The following KIAA1586 variants were observed in gnomAD, a reference collection of about 807,000 sequenced individuals.
The protein encoded by KIAA1586 is E3 SUMO-protein ligase KIAA1586.
KIAA1586 carries 5 observed loss-of-function variants against 6.1 expected under a neutral mutation model. The observed-to-expected ratio is 0.82, with a 90% CI of 0.43 to 1.73. KIAA1586 has a LOEUF of 1.73. KIAA1586 is among the 40% of genes most tolerant of loss of function. The probability of loss-of-function intolerance (pLI) is 0.02; values close to 1 mark genes in which losing one functional copy is unlikely to be tolerated. For missense variants in KIAA1586, 899 were observed against 878.2 expected (o/e 1.02, Z -0.30); for synonymous variants, 280 against 301.7 (o/e 0.93, Z 0.75).
chr6:57,052,439 TG>T (rs764997661), intron 3 of KIAA1586, among the ~76,000 whole-genome samples: 3 of 152,164 alleles, frequency 2.0e-5, no homozygotes, highest in Non-Finnish European at 2.9e-5. Flanking sequence ...CCAACCATTT[TG>T]CTAATTGGAT....
Position 57,054,292 on chromosome 6 carries a change from T to G in KIAA1586, c.1793T>G (p.Phe598Cys), listed in dbSNP as rs1207159689. Residue 598 changes from phenylalanine (F) to cysteine (C), a missense_variant, in exon 4 of 4, where the codon TTT becomes TGT. Physicochemically the swap from Phe to Cys is radical, Grantham distance 205. Coordinates refer to ENST00000370733, the MANE Select transcript of KIAA1586 (RefSeq NM_020931.4). Reference sequence around the variant, plus strand: ...ATTCCATTTAATAAAAACAATAAATTTAATGCTCTTCCTAGGAGTATATTA... The same window carrying G: ...ATTCCATTTAATAAAAACAATAAATGTAATGCTCTTCCTAGGAGTATATTA... ...KDIPFNKNNK[F>C]NALPRSILLD... is the part of the protein sequence containing the mutation. The G allele has an allele frequency of 1.3e-6, 2 of 1,580,262 alleles. No homozygotes were observed. The highest frequency in any genetic ancestry group is 2.0e-5 in the Admixed American group (1 of 51,246).
At chr6:57,064,042 C>T in the KIAA1586 span, among the ~76,000 whole-genome samples, 2 of 152,182 alleles carry the variant, frequency 1.3e-5, no homozygotes, top group Non-Finnish European at 2.9e-5. Flanking sequence ...CACTGCTGGG[C>T]TCCCCTAAGG....
In KIAA1586 at chr6:57,054,796, C is replaced by T. The variant is rs778225953; in HGVS notation, c.2297C>T (p.Thr766Ile). 1.9e-6 allele frequency: 3 copies of T among 1,551,254 alleles called. No individual in the cohort carries two copies. Among genetic ancestry groups the T allele is most frequent in the East Asian group, 4.9e-5 (2 of 40,876 alleles). The change falls in exon 4 of 4, where the codon ACA becomes ATA. Residue 766 changes from threonine to isoleucine, a missense_variant. Physicochemically the swap from Thr to Ile is moderately conservative, Grantham distance 89. Transcript: ENST00000370733. ...TGCAACCACAGGTTGGCTACAGATA[C>T]AAGAGTTCGGCAAAAGTCAACAAAA... ...SNCNHRLATD[T>I]RVRQKSTKVF...
chr6:57,054,828 C>T lies in KIAA1586; in HGVS notation c.2329C>T (p.His777Tyr), dbSNP rs1241913289. 4 of 1,550,526 alleles carry T rather than the reference C, an allele frequency of 2.6e-6. No homozygotes were observed. The highest frequency in any genetic ancestry group is 1.2e-5 in the South Asian group (1 of 83,960). Residue 777 changes from histidine (H) to tyrosine (Y), a missense_variant, in exon 4 of 4, where the codon CAT (histidine) becomes TAT (tyrosine). His to Tyr is a moderately conservative substitution (Grantham distance 83). Transcript: ENST00000370733. The part of the protein sequence containing the change: ...RVRQKSTKVF[H>Y]ENQLAIWNLK ...TCGGCAAAAGTCAACAAAAGTCTTC[C>T]ATGAGAATCAATTGGCTATATGGAA...
chr6:57,060,278 G>A, the KIAA1586 span, among the ~76,000 whole-genome samples: 1 of 152,072 alleles, frequency 6.6e-6, no homozygotes, highest in African/African-American at 2.4e-5. Flanking sequence ...AGGGATGCTC[G>A]ATTTAAGACA....
the KIAA1586 span, among the ~76,000 whole-genome samples, chr6:57,063,878 G>T: frequency 2.0e-5 from 3 of 152,112 alleles, no homozygotes; most frequent in Middle Eastern, 6.8e-3. Flanking sequence ...CTATGAATTG[G>T]CCCTTTTTTT....
At position 57,053,246 on chromosome 6, in the gene KIAA1586, T is replaced by G; in HGVS notation, c.747T>G (p.Val249=). The G allele has an allele frequency of 6.2e-7, 1 of 1,601,134 alleles. No individual in the cohort carries two copies. Among genetic ancestry groups the G allele is most frequent in the Middle Eastern group, 1.7e-4 (1 of 5,966 alleles). Residue 249 remains valine, a synonymous_variant, in exon 4 of 4, where the codon GTT becomes GTG. Coordinates refer to ENST00000370733, the MANE Select transcript of KIAA1586 (RefSeq NM_020931.4). ...NNKNIDATVK[V]FNTVYSLVKH... ...AAAATATTGATGCTACTGTAAAAGTTTTCAATACTGTTTACAGTTTAGTAA... is the reference window on the plus strand; with the variant it reads ...AAAATATTGATGCTACTGTAAAAGTGTTCAATACTGTTTACAGTTTAGTAA...
chr6:57,058,771 CAT>C (rs1290632603), downstream of KIAA1586, among the ~76,000 whole-genome samples: 1 of 152,094 alleles, frequency 6.6e-6, no homozygotes, highest in Non-Finnish European at 1.5e-5. Flanking sequence ...TATTTGATGT[CAT>C]GTAAATTTAC....
At chr6:57,048,566 G>A (rs891905519) in intron 2 of KIAA1586, among the ~76,000 whole-genome samples, 1 of 152,158 alleles carries the variant, frequency 6.6e-6, no homozygotes, top group African/African-American at 2.4e-5. Context: ...CTTCACTGTT[G>A]TTATGGAGTA....
At chr6:57,050,246 G>GT (rs556699974) in intron 2 of KIAA1586, among the ~76,000 whole-genome samples, 16,521 of 128,646 alleles carry the variant, frequency 0.13, 1,082 homozygotes, top group African/African-American at 0.21. Flanking sequence ...TCATTATTAT[G>GT]TTTTTTTTTT....
At position 57,054,836 on chromosome 6, in the gene KIAA1586, T is replaced by C. The variant is rs111500802; in HGVS notation, c.2337T>C (p.Asn779=). ...AGTCAACAAAAGTCTTCCATGAGAA[T>C]CAATTGGCTATATGGAACTTAAAAT... ...RQKSTKVFHE[N]QLAIWNLK is the part of the protein sequence containing the mutation. The change falls in exon 4 of 4, where the codon AAT becomes AAC. Residue 779 remains asparagine (N), a synonymous_variant. Coordinates refer to ENST00000370733, the MANE Select transcript of KIAA1586 (RefSeq NM_020931.4). 118 of 1,550,390 alleles carry C rather than the reference T, an allele frequency of 7.6e-5. No individual in the cohort carries two copies. The African/African-American group carries it at 1.5e-3, about 19-fold the overall frequency.
Position 57,053,117 on chromosome 6 carries a change from A to T in KIAA1586, c.618A>T (p.Lys206Asn), listed in dbSNP as rs765533267. The T allele has an allele frequency of 3.1e-6, 5 of 1,610,618 alleles. No individual in the cohort carries two copies. Among genetic ancestry groups the T allele is most frequent in the South Asian group, 1.1e-5 (1 of 90,528 alleles). The stretch of plus-strand genomic sequence containing the variant: ...CTAGGCAAGCTTCTCTACGAAAAAA[A>T]ATTAGGGAACATGATGTTTCTAAAG... ...KTTRQASLRKKIREHDVSKAH... is the reference protein window; with the variant it reads ...KTTRQASLRKNIREHDVSKAH... The change falls in exon 4 of 4, where the codon AAA becomes AAT. Residue 206 changes from lysine to asparagine, a missense_variant. Transcript: ENST00000370733.
At chr6:57,049,561 G>C (rs1443575825) in intron 2 of KIAA1586, among the ~76,000 whole-genome samples, 1 of 152,074 alleles carries the variant, frequency 6.6e-6, no homozygotes, top group African/African-American at 2.4e-5. Context: ...AATGATAAAA[G>C]ATTTGGGGAT....
In KIAA1586 at chr6:57,052,762, C is replaced by A; in HGVS notation, c.263C>A (p.Thr88Lys). The A allele has an allele frequency of 6.2e-7, 1 of 1,609,454 alleles. No homozygotes were observed. The highest frequency in any genetic ancestry group is 8.5e-7 in the Non-Finnish European group (1 of 1,177,934). ...AATGTGAAGAAGGTGAAAACAGACA[C>A]AGAAAATAATGAAGTGAGCAAAAAT... ...FLNVKKVKTD[T>K]ENNEVSKNHC... Residue 88 changes from threonine to lysine, a missense_variant, in exon 4 of 4, where the codon ACA (threonine) becomes AAA (lysine). Transcript: ENST00000370733.
intron 3 of KIAA1586, 133 bp downstream of exon 3, chr6:57,050,987 T>C: frequency 4.9e-6 from 3 of 606,086 alleles, no homozygotes; most frequent in South Asian, 3.9e-5. Context: ...CCCAGCACTT[T>C]GGGAGGCCGA....
At chr6:57,048,235 GA>G (rs1173360434) in intron 2 of KIAA1586, among the ~76,000 whole-genome samples, 1 of 152,290 alleles carries the variant, frequency 6.6e-6, no homozygotes, top group Admixed American at 6.5e-5. Flanking sequence ...TCGTCTTTTG[GA>G]ATGCCGTAGT....
intron 3 of KIAA1586, among the ~76,000 whole-genome samples, chr6:57,051,233 A>G (rs74479227): frequency 1.4e-5 from 2 of 147,292 alleles, no homozygotes; most frequent in Non-Finnish European, 1.5e-5. Context: ...CTCCTTCTCA[A>G]AAAAAAAAAA....
intron 2 of KIAA1586, among the ~76,000 whole-genome samples, chr6:57,049,342 A>G (rs897461553): frequency 3.9e-5 from 6 of 152,150 alleles, no homozygotes; most frequent in Non-Finnish European, 7.4e-5. Flanking sequence ...TAAAGATGCA[A>G]TGCTGCTGGG....
At chr6:57,058,087 G>A (rs1030729406), downstream of KIAA1586, among the ~76,000 whole-genome samples, 3 of 151,742 alleles carry the variant, frequency 2.0e-5, no homozygotes, top group Non-Finnish European at 4.4e-5. Flanking sequence ...GAGCCACCGC[G>A]CCCATCTCAT....
Sources: allele counts gnomAD v4.1 joint callset (sites outside exome capture counted in the v4.1 genomes callset), GRCh38; gene constraint gnomAD v4.1.1; transcripts MANE v1.5; gene names NCBI Gene and HGNC (gene_info 2026-07-23, HGNC 2026-07-21).